The following RASEF variants were observed in gnomAD, a reference collection of about 807,000 sequenced individuals.
RASEF encodes RAS and EF-hand domain containing, also known as ras and EF-hand domain-containing protein.
Under a neutral mutation model 90.1 loss-of-function variants are expected in RASEF, and 68 were observed. The observed-to-expected ratio is 0.75, with a 90% confidence interval of 0.62 to 0.92. The LOEUF (loss-of-function observed/expected upper bound fraction) is 0.92. Among genes scored for constraint, RASEF ranks in the 40% least tolerant of loss-of-function variants. The pLI, the probability that RASEF is intolerant of heterozygous loss-of-function variation, is 0.00. For missense variants in RASEF, 949 were observed against 937.2 expected, an observed-to-expected ratio of 1.01 and a Z score of -0.16; for synonymous variants, 331 against 345.2, an observed-to-expected ratio of 0.96 and a Z score of 0.46.
At chr9:83,015,685 A>T in intron 4 of RASEF, 120 bp downstream of exon 4, 1 of 787,238 alleles carries the variant, frequency 1.3e-6, no homozygotes. Flanking sequence ...GTCTCAAAAC[A>T]AATCTGAAAT....
chr9:83,157,289 A>G, the RASEF span, among the ~76,000 whole-genome samples: 1 of 152,188 alleles, frequency 6.6e-6, no homozygotes, highest in Admixed American at 6.5e-5. Context: ...GTGACAGAGT[A>G]CTATGGTTTG....
rs542785559 is a variant in RASEF at position 82,995,845 on chromosome 9, C to T, written c.1920+1167G>A. ...GTTCGGTTTGAGCCCCTATTCTATT[C>T]CTAACCACTAAATAACTCTAAGCAA... On this transcript the variant is annotated intron_variant, in intron 14 of 16. Transcript: ENST00000376447. 2.6e-5 allele frequency among the ~76,000 whole-genome samples: 4 copies of T among 152,280 alleles called. No homozygotes were observed. The South Asian group carries it at 8.3e-4, about 32-fold the overall frequency.
At chr9:83,209,907 C>T in the RASEF span, among the ~76,000 whole-genome samples, 1 of 152,174 alleles carries the variant, frequency 6.6e-6, no homozygotes. Context: ...AATAGGAAAT[C>T]AATCTCATAA....
rs80009575 is a variant in RASEF at position 83,045,354 on chromosome 9, C to T, written c.431+17083G>A. Among the ~76,000 whole-genome samples the T allele has an allele frequency of 7.2e-3, 1,097 of 152,256 alleles. 16 individuals are homozygous for T. Among genetic ancestry groups the T allele is most frequent in the African/African-American group, 0.024 (1,013 of 41,544 alleles). On this transcript the variant is annotated intron_variant, in intron 1 of 16. Coordinates refer to ENST00000376447, the MANE Select transcript of RASEF (RefSeq NM_152573.4). ...ACTGATGAAAAGAGCTGAATAAGAA[C>T]TTTAATTGTTACTGATAAGAACCTT...
intron 16 of RASEF, among the ~76,000 whole-genome samples, chr9:82,985,186 A>G (rs1414650828): frequency 6.6e-6 from 1 of 152,188 alleles, no homozygotes; most frequent in Non-Finnish European, 1.5e-5. Context: ...AAAACACTCA[A>G]AAGTGGGAAC....
At chr9:83,169,350 T>TAC in the RASEF span, among the ~76,000 whole-genome samples, 6,128 of 145,972 alleles carry the variant, frequency 0.042, 146 homozygotes, top group Non-Finnish European at 0.053. Flanking sequence ...CTGATTTCCA[T>TAC]ACACACACAC....
At chr9:83,112,876 T>C in the RASEF span, among the ~76,000 whole-genome samples, 1 of 152,182 alleles carries the variant, frequency 6.6e-6, no homozygotes, top group African/African-American at 2.4e-5. Flanking sequence ...ACAATGGAGA[T>C]ACAAAGATGT....
the RASEF span, among the ~76,000 whole-genome samples, chr9:83,199,732 G>C: frequency 2.0e-5 from 3 of 152,288 alleles, no homozygotes; most frequent in African/African-American, 4.8e-5. Context: ...GAAAAGAGGA[G>C]GCAGGGCATG....
chr9:82,983,120 C>T (rs1026103382), intron 16 of RASEF, among the ~76,000 whole-genome samples: 69 of 133,790 alleles, frequency 5.2e-4, no homozygotes, highest in Non-Finnish European at 8.3e-4. Flanking sequence ...CACACACACA[C>T]ACACACACAC....
the RASEF span, among the ~76,000 whole-genome samples, chr9:83,215,021 A>T: frequency 1.3e-5 from 2 of 151,602 alleles, no homozygotes; most frequent in Non-Finnish European, 2.9e-5. Flanking sequence ...GCAGACAAAG[A>T]GATGAGACAA....
the RASEF span, among the ~76,000 whole-genome samples, chr9:83,072,994 A>T: frequency 6.6e-6 from 1 of 152,172 alleles, no homozygotes. Context: ...AGGTTGAGTG[A>T]TATAAGTAAA....
chr9:83,061,561 A>C (rs1407240248), intron 1 of RASEF, among the ~76,000 whole-genome samples: 1 of 152,182 alleles, frequency 6.6e-6, no homozygotes, highest in Non-Finnish European at 1.5e-5. Context: ...AGCTGGAGAC[A>C]CCCACCACAC....
the RASEF span, among the ~76,000 whole-genome samples, chr9:83,217,794 T>C: frequency 6.6e-6 from 1 of 152,010 alleles, no homozygotes; most frequent in African/African-American, 2.4e-5. Flanking sequence ...AAAATAGAGT[T>C]GGGGGGTGGG....
intron 1 of RASEF, chr9:83,048,800 T>G (rs1038606919): frequency 1.0e-6 from 1 of 960,468 alleles, no homozygotes; most frequent in African/African-American, 1.8e-5. Context: ...CATTAGAATA[T>G]TTCTCATACT....
At chr9:83,097,907 A>T in the RASEF span, among the ~76,000 whole-genome samples, 1 of 152,164 alleles carries the variant, frequency 6.6e-6, no homozygotes, top group Non-Finnish European at 1.5e-5. Flanking sequence ...CCAGATTCCT[A>T]GGTAGGCCTT....
At chr9:83,190,330 A>G in the RASEF span, among the ~76,000 whole-genome samples, 1 of 152,176 alleles carries the variant, frequency 6.6e-6, no homozygotes. Context: ...TTTTTTTTAA[A>G]CTAAACCATT....
At chr9:83,178,176 C>G in the RASEF span, among the ~76,000 whole-genome samples, 2 of 152,118 alleles carry the variant, frequency 1.3e-5, no homozygotes, top group Non-Finnish European at 2.9e-5. Flanking sequence ...GACTTCCCTT[C>G]TCTGCTTTTT....
In RASEF at chr9:83,005,513, GAAAC is replaced by G; in HGVS notation, c.1029-17_1029-14del. ...CCGGTTAGCTGTTCTGCAGGGTAAA[GAAAC>G]AAGCAGAAAGAGAGACAAGGAAAGT... On this transcript the variant is annotated splice_polypyrimidine_tract_variant and intron_variant, in intron 7 of 16. Coordinates refer to ENST00000376447, the MANE Select transcript of RASEF (RefSeq NM_152573.4). 6.3e-7 allele frequency: 1 copy of G among 1,593,488 alleles called. No individual in the cohort carries two copies. The highest frequency in any genetic ancestry group is 8.6e-7 in the Non-Finnish European group (1 of 1,161,340).
At chr9:83,121,375 G>A in the RASEF span, among the ~76,000 whole-genome samples, 1 of 152,010 alleles carries the variant, frequency 6.6e-6, no homozygotes, top group African/African-American at 2.4e-5. Context: ...TATATGTTTA[G>A]TTGGCTCATT....
Sources: allele counts gnomAD v4.1 joint callset (sites outside exome capture counted in the v4.1 genomes callset), GRCh38; gene constraint gnomAD v4.1.1; transcripts MANE v1.5; gene names NCBI Gene and HGNC (gene_info 2026-07-23, HGNC 2026-07-21).